HMCN2: variants seen among roughly 807,000 people sequenced by gnomAD.
HMCN2 encodes the protein hemicentin 2, also known as hemicentin-2.
A neutral mutation model predicts 377.5 loss-of-function variants in HMCN2; 325 were observed. The ratio of observed to expected loss-of-function variants is 0.86; its 90% CI spans 0.79 to 0.94. The LOEUF (loss-of-function observed/expected upper bound fraction) is 0.94. HMCN2 is among the 40% of genes least tolerant of loss of function. The pLI, the probability that HMCN2 is intolerant of heterozygous loss-of-function variation, is 0.00. For synonymous variants in HMCN2, 2,007 were observed against 2,046.8 expected (o/e 0.98, Z 0.53); for missense variants, 4,543 against 4,725.3 (o/e 0.96, Z 1.13).
chr9:130,324,332 G>A (rs1838011794), intron 19 of HMCN2, among the ~76,000 whole-genome samples: 1 of 152,206 alleles, frequency 6.6e-6, no homozygotes, highest in African/African-American at 2.4e-5. Flanking sequence ...CCATGGTGTA[G>A]CATGTGTCAG....
chr9:130,277,986 CACG>C lies in HMCN2; in HGVS notation c.260-6615_260-6613del, dbSNP rs1298355471. On this transcript the variant is annotated intron_variant, in intron 1 of 97. Coordinates refer to ENST00000683500, the MANE Select transcript of HMCN2 (RefSeq NM_001291815.2). ...CCACCACCATCATCATCACCACCAC[CACG>C]ATCATCACCACCACCACCATCATCA... 1.5e-3 allele frequency among the ~76,000 whole-genome samples: 133 copies of C among 88,486 alleles called. 18 individuals are homozygous for C. The highest frequency in any genetic ancestry group is 1.3e-3 in the Non-Finnish European group (61 of 45,502). 58.1% of individuals were successfully genotyped at this position (88,486 alleles called of 152,430 possible).
chr9:130,341,805 TGA>T (rs1442234680), intron 24 of HMCN2, among the ~76,000 whole-genome samples: 1 of 152,060 alleles, frequency 6.6e-6, no homozygotes, highest in South Asian at 2.1e-4. Context: ...GGGGTCCATG[TGA>T]GAGAGTGTGT....
At chr9:130,306,785 G>A (rs782772137) in intron 12 of HMCN2, 26 bp from the exon 13 acceptor site, 3 of 454,230 alleles carry the variant, frequency 6.6e-6, no homozygotes, top group Admixed American at 2.5e-5. Flanking sequence ...TTTGTGACCC[G>A]ATGTGTTTCT....
intron 5 of HMCN2, among the ~76,000 whole-genome samples, chr9:130,295,421 A>G (rs1384377160): frequency 6.6e-6 from 1 of 151,414 alleles, no homozygotes; most frequent in Non-Finnish European, 1.5e-5. Context: ...TGGTCACCTG[A>G]CCCCATGGTG....
Position 130,430,415 on chromosome 9 carries a change from C to A in HMCN2, c.14458C>A (p.Arg4820=). The change falls in exon 95 of 98, where the codon CGG becomes AGG. Residue 4820 remains arginine (R), a synonymous_variant. Coordinates refer to ENST00000683500, the MANE Select transcript of HMCN2 (RefSeq NM_001291815.2). The stretch of plus-strand genomic sequence containing the variant: ...CGGCAAGGCCTGCACCTCACTGGAG[C>A]GGAATGGACAAAATGTGACCACCGT... ...RDGKACTSLE[R]NGQNVTTVSH... The A allele has an allele frequency of 6.4e-7, 1 of 1,550,486 alleles. No individual in the cohort carries two copies. The highest frequency in any genetic ancestry group is 8.7e-7 in the Non-Finnish European group (1 of 1,146,974).
intron 58 of HMCN2, 62 bp downstream of exon 58, chr9:130,384,596 G>A (rs1841914300): frequency 1.5e-6 from 2 of 1,299,504 alleles, no homozygotes; most frequent in Non-Finnish European, 2.0e-6. Flanking sequence ...TTGCTCCCCC[G>A]ACCTGGGACA....
rs184883218 is a variant in HMCN2 at position 130,412,826 on chromosome 9, C to T, written c.12961+2174C>T. Among the ~76,000 whole-genome samples the T allele has an allele frequency of 6.5e-4, 99 of 152,318 alleles. 1 individual carries two copies. Among genetic ancestry groups the T allele is most frequent in the African/African-American group, 1.7e-3 (72 of 41,572 alleles). On this transcript the variant is annotated intron_variant, in intron 85 of 97. Transcript: ENST00000683500. ...TCCTGGCCTCAAGCAATCCACCTGC[C>T]TCGGCCTCCTAAAGTGCGGATTACA...
chr9:130,311,270 C>T (rs1321473710), intron 15 of HMCN2, among the ~76,000 whole-genome samples: 7 of 152,136 alleles, frequency 4.6e-5, no homozygotes, highest in Non-Finnish European at 1.0e-4. Context: ...CTGGGGCAGC[C>T]GAGGAGCTCC....
chr9:130,345,389 GGT>G (rs1396144632), intron 25 of HMCN2, among the ~76,000 whole-genome samples: 3 of 147,168 alleles, frequency 2.0e-5, no homozygotes, highest in South Asian at 2.2e-4. Flanking sequence ...TGTAGTGTGT[GGT>G]GTGTGTGTGC....
chr9:130,432,704 G>A (rs1234728793), intron 97 of HMCN2, 149 bp downstream of exon 97: 3 of 812,520 alleles, frequency 3.7e-6, no homozygotes, highest in Non-Finnish European at 5.8e-6. Flanking sequence ...AGAGGCCAGA[G>A]TGGGAGAGAA....
In HMCN2 at chr9:130,395,048, A is replaced by G. The variant is rs1370559349; in HGVS notation, c.10714A>G (p.Thr3572Ala). The change falls in exon 70 of 98, where the codon ACT becomes GCT. Residue 3572 changes from threonine to alanine, a missense_variant. Physicochemically the swap from Thr to Ala is moderately conservative, Grantham distance 58. Coordinates refer to ENST00000683500, the MANE Select transcript of HMCN2 (RefSeq NM_001291815.2). Reference protein sequence around the residue: ...NVQVRDAGLYTCLAESPAGAI... With the variant: ...NVQVRDAGLYACLAESPAGAI... ...CCAGGTTAGGGATGCTGGGCTGTAC[A>G]CTTGTCTGGCTGAAAGCCCTGCAGG... The G allele has an allele frequency of 1.6e-6, 2 of 1,275,524 alleles. No homozygotes were observed. The highest frequency in any genetic ancestry group is 2.0e-6 in the Non-Finnish European group (2 of 986,788). 79.0% of individuals were successfully genotyped at this position (1,275,524 alleles called of 1,614,324 possible). A position where few individuals can be genotyped will look rare whatever the true frequency, so the allele number is the denominator to read the frequency against.
In HMCN2 at chr9:130,382,781, T is replaced by C; in HGVS notation, c.8648T>C (p.Val2883Ala). 1 of 985,944 alleles carries C rather than the reference T, an allele frequency of 1.0e-6. No homozygotes were observed. The highest frequency in any genetic ancestry group is 1.7e-5 in the African/African-American group (1 of 57,362). The allele number at this position is 985,944 out of a possible 1,614,324, so 61.1% of individuals were successfully genotyped here. Residue 2883 changes from valine (V) to alanine (A), a missense_variant, in exon 56 of 98, where the codon GTG becomes GCG. Coordinates refer to ENST00000683500, the MANE Select transcript of HMCN2 (RefSeq NM_001291815.2). ...SLQCPALGNPVPTISWLQNGL... is the reference protein window; with the variant it reads ...SLQCPALGNPAPTISWLQNGL... ...CAGTGCCCGGCCCTGGGAAACCCCG[T>C]GCCCACCATCTCATGGCTCCAGAAT...
At chr9:130,429,878 G>T in intron 94 of HMCN2, 193 bp downstream of exon 94, 1 of 1,104,420 alleles carries the variant, frequency 9.1e-7, no homozygotes, top group Non-Finnish European at 1.2e-6. Context: ...CCGACACTTT[G>T]CACTCACTGG....
chr9:130,282,053 G>C (rs1393929051), intron 1 of HMCN2, among the ~76,000 whole-genome samples: 4 of 152,214 alleles, frequency 2.6e-5, no homozygotes, highest in Non-Finnish European at 5.9e-5. Flanking sequence ...GTGAACATGT[G>C]TGATTACCTA....
At position 130,386,364 on chromosome 9, in the gene HMCN2, G is replaced by A. The variant is rs1434178962; in HGVS notation, c.9310-79G>A. 4 of 880,574 alleles carry A rather than the reference G, an allele frequency of 4.5e-6. No homozygotes were observed. In the African/African-American group the frequency reaches 5.2e-5, roughly 12 times the overall value. The allele number at this position is 880,574 out of a possible 1,614,324, so 54.5% of individuals were successfully genotyped here. On this transcript the variant is annotated intron_variant, in intron 60 of 97. Coordinates refer to ENST00000683500, the MANE Select transcript of HMCN2 (RefSeq NM_001291815.2). ...AGGCCCCTGCTCTGGAAGTTTTGGG[G>A]GCCTAGATGCTTTTGGGGAGCCCTA... is the stretch of plus-strand genomic sequence containing the variant.
At chr9:130,355,569 G>T (rs988884439) in intron 32 of HMCN2, among the ~76,000 whole-genome samples, 177 bp from the exon 33 acceptor site, 1 of 152,250 alleles carries the variant, frequency 6.6e-6, no homozygotes, top group South Asian at 2.1e-4. Context: ...GGAGCCCGGG[G>T]TGTCCCCTTA....
chr9:130,399,732 C>T (rs1016082281), intron 76 of HMCN2, 100 bp downstream of exon 76: 7 of 921,348 alleles, frequency 7.6e-6, no homozygotes, highest in Non-Finnish European at 1.0e-5. Flanking sequence ...GTGGCTTTTT[C>T]CTGTGCTGCA....
At chr9:130,279,621 G>A (rs2131258129) in intron 1 of HMCN2, among the ~76,000 whole-genome samples, 1 of 152,346 alleles carries the variant, frequency 6.6e-6, no homozygotes, top group Admixed American at 6.5e-5. Context: ...CCAGAGTGCT[G>A]ATATTACAGG....
chr9:130,299,762 C>T (rs898497203), intron 8 of HMCN2, among the ~76,000 whole-genome samples: 3 of 147,606 alleles, frequency 2.0e-5, no homozygotes, highest in East Asian at 4.2e-4. Flanking sequence ...CATTCACTCA[C>T]CTATCCATCT....
Sources: allele counts gnomAD v4.1 joint callset (sites outside exome capture counted in the v4.1 genomes callset), GRCh38; gene constraint gnomAD v4.1.1; transcripts MANE v1.5; gene names NCBI Gene and HGNC (gene_info 2026-07-23, HGNC 2026-07-21).